The following PLCE1 variants were observed in gnomAD, a reference collection of about 807,000 sequenced individuals.
The protein encoded by PLCE1 is phospholipase C epsilon 1, also known as 1-phosphatidylinositol 4,5-bisphosphate phosphodiesterase epsilon-1.
Under a neutral mutation model 242.8 loss-of-function variants are expected in PLCE1, and 119 were observed. The ratio of observed to expected loss-of-function variants is 0.49; its 90% CI spans 0.42 to 0.57. PLCE1 has a LOEUF of 0.57. Ranked by LOEUF, PLCE1 falls within the 20% of genes least tolerant of loss-of-function variation. The pLI, the probability that PLCE1 is intolerant of heterozygous loss-of-function variation, is 0.00. For synonymous variants in PLCE1, 945 were observed against 1,017.4 expected (o/e 0.93, Z 1.35); for missense variants, 2,441 against 2,788.8 (o/e 0.88, Z 2.81).
intron 20 of PLCE1, among the ~76,000 whole-genome samples, chr10:94,281,036 A>G (rs948361895): frequency 1.3e-5 from 2 of 152,250 alleles, no homozygotes; most frequent in Non-Finnish European, 2.9e-5. Flanking sequence ...AATATGAGAG[A>G]CATATCTCAT....
chr10:94,260,260 G>A (rs572901001), intron 13 of PLCE1, among the ~76,000 whole-genome samples: 1 of 152,204 alleles, frequency 6.6e-6, no homozygotes, highest in East Asian at 1.9e-4. Context: ...GGGTACTTCT[G>A]TCTGAATGAT....
intron 19 of PLCE1, among the ~76,000 whole-genome samples, chr10:94,276,202 G>A (rs1034036379): frequency 1.9e-4 from 29 of 152,244 alleles, no homozygotes; most frequent in Admixed American, 2.0e-4. Flanking sequence ...TATTGCCCCC[G>A]TCTGGTGCTC....
chr10:94,135,938 A>G (rs2046756876), intron 3 of PLCE1, among the ~76,000 whole-genome samples: 1 of 152,240 alleles, frequency 6.6e-6, no homozygotes, highest in Admixed American at 6.5e-5. Context: ...AAATTGCCCC[A>G]GTAATTTTTT....
At chr10:94,280,204 T>C in intron 20 of PLCE1, 1 of 433,382 alleles carries the variant, frequency 2.3e-6, no homozygotes, top group Non-Finnish European at 4.3e-6. Flanking sequence ...TTTCACCCTT[T>C]AGTTTCTAGC....
At chr10:94,077,182 T>G (rs551428907) in intron 2 of PLCE1, among the ~76,000 whole-genome samples, 79 of 152,360 alleles carry the variant, frequency 5.2e-4, no homozygotes, top group Non-Finnish European at 1.5e-5. Flanking sequence ...TGTTTCCCAG[T>G]TGGGGGCAGT....
At chr10:94,268,003 G>A (rs576069790) in intron 16 of PLCE1, among the ~76,000 whole-genome samples, 1 of 152,176 alleles carries the variant, frequency 6.6e-6, no homozygotes, top group Non-Finnish European at 1.5e-5. Flanking sequence ...CAGTGGGTAG[G>A]CACATTTACA....
At chr10:94,053,776 A>G (rs1321434385) in intron 2 of PLCE1, among the ~76,000 whole-genome samples, 1 of 152,240 alleles carries the variant, frequency 6.6e-6, no homozygotes, top group Non-Finnish European at 1.5e-5. Flanking sequence ...CCAAGATGCT[A>G]GTCACAATAG....
chr10:94,116,865 T>C (rs1007139431), intron 2 of PLCE1, among the ~76,000 whole-genome samples: 3 of 152,124 alleles, frequency 2.0e-5, no homozygotes, highest in Non-Finnish European at 4.4e-5. Context: ...TGTTGAAGAA[T>C]TGGAAAGGAG....
At chr10:94,294,848 T>C (rs1183854442) in intron 23 of PLCE1, among the ~76,000 whole-genome samples, 1 of 151,984 alleles carries the variant, frequency 6.6e-6, no homozygotes, top group African/African-American at 2.4e-5. Context: ...AACTCTTCCT[T>C]GTACAAAAGA....
intron 3 of PLCE1, among the ~76,000 whole-genome samples, chr10:94,147,374 A>G (rs375942708): frequency 8.5e-5 from 13 of 152,220 alleles, no homozygotes; most frequent in African/African-American, 2.9e-4. Context: ...GTGAGCCAAG[A>G]TGGCGCCACT....
At position 94,171,210 on chromosome 10, in the gene PLCE1, C is replaced by T; in HGVS notation, c.1523C>T (p.Ser508Phe). 2 of 1,614,192 alleles carry T rather than the reference C, an allele frequency of 1.2e-6. No individual in the cohort carries two copies. Among genetic ancestry groups the T allele is most frequent in the Non-Finnish European group, 8.5e-7 (1 of 1,180,018 alleles). ...CAGCCAGGCCCCTCTGTGGCCAATT[C>T]CAATGCCCTCCCTTCAAGTTCAGCT... is the stretch of plus-strand genomic sequence containing the variant. ...ERQPGPSVAN[S>F]NALPSSSAGI... Residue 508 changes from serine (S) to phenylalanine (F), a missense_variant, in exon 4 of 33, where the codon TCC becomes TTC. Around this residue, in one of 5 missense-constraint regions of PLCE1, gnomAD observed 733 missense variants for 754.2 expected, o/e 0.97. Coordinates refer to ENST00000371380, the MANE Select transcript of PLCE1 (RefSeq NM_016341.4).
At chr10:94,327,363 G>A (rs750631938) in intron 32 of PLCE1, among the ~76,000 whole-genome samples, 2 of 151,858 alleles carry the variant, frequency 1.3e-5, no homozygotes, top group African/African-American at 2.4e-5. Context: ...GGGAGGCCGA[G>A]GTGTGTGGAT....
At chr10:94,207,122 C>T (rs1407855884) in intron 4 of PLCE1, among the ~76,000 whole-genome samples, 1 of 152,140 alleles carries the variant, frequency 6.6e-6, no homozygotes, top group Admixed American at 6.5e-5. Context: ...TCCCTCTTCC[C>T]TTTGTTTCTC....
At chr10:94,308,061 G>C (rs2053265224) in intron 26 of PLCE1, among the ~76,000 whole-genome samples, 1 of 152,064 alleles carries the variant, frequency 6.6e-6, no homozygotes, top group Non-Finnish European at 1.5e-5. Flanking sequence ...TTTGTGTTTT[G>C]TAACTTACTG....
intron 1 of PLCE1, among the ~76,000 whole-genome samples, chr10:93,999,437 A>G (rs2060890295): frequency 6.6e-6 from 1 of 151,804 alleles, no homozygotes; most frequent in Non-Finnish European, 1.5e-5. Flanking sequence ...CACCCACACT[A>G]CTCCCAAAGG....
At chr10:94,069,042 G>T (rs963509043) in intron 2 of PLCE1, among the ~76,000 whole-genome samples, 3 of 152,192 alleles carry the variant, frequency 2.0e-5, no homozygotes, top group Non-Finnish European at 4.4e-5. Context: ...GAAAGAAAAG[G>T]AATCCTTTAC....
At chr10:94,213,793 G>C (rs1021158243) in intron 4 of PLCE1, among the ~76,000 whole-genome samples, 2 of 152,138 alleles carry the variant, frequency 1.3e-5, no homozygotes, top group African/African-American at 4.8e-5. Context: ...AGAAGGAGCT[G>C]CTTATTATTT....
intron 19 of PLCE1, among the ~76,000 whole-genome samples, chr10:94,275,028 G>A (rs1423899335): frequency 6.6e-6 from 1 of 152,124 alleles, no homozygotes; most frequent in Non-Finnish European, 1.5e-5. Flanking sequence ...AGCAGATAAA[G>A]CTGCTAACCA....
rs143483349 is a variant in PLCE1, at chr10:94,231,666, A to C, written c.1956-2388A>C. On this transcript the variant is annotated intron_variant, in intron 5 of 32. Coordinates refer to ENST00000371380, the MANE Select transcript of PLCE1 (RefSeq NM_016341.4). ...GCATCAGAGACCAGTTTCATGGAAGACAATTTTTCCACAGACTCGGGGTGT... is the reference window on the plus strand; with the variant it reads ...GCATCAGAGACCAGTTTCATGGAAGCCAATTTTTCCACAGACTCGGGGTGT... Among the ~76,000 whole-genome samples, 73 of 151,644 alleles carry C rather than the reference A, an allele frequency of 4.8e-4. 2 individuals are homozygous for C. The East Asian group carries it at 0.014, about 28-fold the overall frequency.
Sources: allele counts gnomAD v4.1 joint callset (sites outside exome capture counted in the v4.1 genomes callset), GRCh38; gene constraint gnomAD v4.1.1; regional missense constraint gnomAD v4.1.1; transcripts MANE v1.5; gene names NCBI Gene and HGNC (gene_info 2026-07-23, HGNC 2026-07-21).